PPP6R2: variants seen among roughly 807,000 people sequenced by gnomAD.
The protein encoded by PPP6R2 is serine/threonine-protein phosphatase 6 regulatory subunit 2.
PPP6R2 carries 62 observed loss-of-function variants against 100.2 expected under a neutral mutation model. That is an observed-to-expected ratio of 0.62 (90% confidence interval 0.50 to 0.76). The LOEUF is 0.76. Ranked by LOEUF, PPP6R2 falls within the 30% of genes least tolerant of loss-of-function variation. The pLI is 0.00. For missense variants in PPP6R2, 1,142 were observed against 1,276.3 expected, an observed-to-expected ratio of 0.89 and a Z score of 1.60; for synonymous variants, 525 against 514.7, an observed-to-expected ratio of 1.02 and a Z score of -0.27.
At chr22:50,367,852 C>T (rs2049078391) in intron 1 of PPP6R2, among the ~76,000 whole-genome samples, 1 of 152,046 alleles carries the variant, frequency 6.6e-6, no homozygotes, top group South Asian at 2.1e-4. Flanking sequence ...CCTGGGGGAC[C>T]ACTACTACCA....
intron 8 of PPP6R2, 28 bp from the exon 9 acceptor site, chr22:50,422,226 G>A (rs371398566): frequency 9.9e-6 from 16 of 1,608,692 alleles, no homozygotes; most frequent in Admixed American, 1.7e-5. Context: ...TGGTGTCCCC[G>A]GTCTCCATCT....
chr22:50,334,881 C>T, the PPP6R2 span, among the ~76,000 whole-genome samples: 81 of 151,722 alleles, frequency 5.3e-4, no homozygotes, highest in East Asian at 2.0e-4. Context: ...GCAGGAGAAT[C>T]GCTTGAACCC....
chr22:50,338,038 G>T, the PPP6R2 span, among the ~76,000 whole-genome samples: 1 of 145,144 alleles, frequency 6.9e-6, no homozygotes, highest in Non-Finnish European at 1.5e-5. Flanking sequence ...TGGTGTGTTT[G>T]TGTATGTGTG....
chr22:50,378,336 C>T (rs1354394401), intron 2 of PPP6R2, among the ~76,000 whole-genome samples: 1 of 152,196 alleles, frequency 6.6e-6, no homozygotes. Flanking sequence ...CCTGTAATCC[C>T]AGCACTTTGG....
intron 2 of PPP6R2, chr22:50,393,473 C>A (rs981159698): frequency 2.0e-6 from 2 of 984,986 alleles, no homozygotes; most frequent in African/African-American, 3.5e-5. Context: ...GCGCATTCGC[C>A]TAACAGAACT....
chr22:50,429,923 T>C (rs1048371772), intron 10 of PPP6R2, among the ~76,000 whole-genome samples: 2 of 152,172 alleles, frequency 1.3e-5, no homozygotes, highest in African/African-American at 4.8e-5. Flanking sequence ...ATGAAGCAAA[T>C]GAGCCTCCTG....
intron 5 of PPP6R2, 138 bp from the exon 6 acceptor site, chr22:50,415,954 T>G (rs2060469596): frequency 1.3e-6 from 1 of 743,526 alleles, no homozygotes. Flanking sequence ...TTATGTGTGT[T>G]CTTTCTGGGT....
chr22:50,405,397 C>T (rs1489256701), intron 3 of PPP6R2, among the ~76,000 whole-genome samples: 6 of 94,012 alleles, frequency 6.4e-5, no homozygotes, highest in Admixed American at 5.1e-4. Context: ...GCCTGGCAGA[C>T]GAGTGTGAAG....
chr22:50,387,770 C>T (rs570919226), intron 2 of PPP6R2, among the ~76,000 whole-genome samples: 2 of 152,316 alleles, frequency 1.3e-5, no homozygotes, highest in African/African-American at 4.8e-5. Context: ...CACCGCGGCG[C>T]ACGCCCTCTG....
intron 3 of PPP6R2, among the ~76,000 whole-genome samples, chr22:50,396,445 A>AGATCGCT (rs1344388412): frequency 2.6e-5 from 4 of 151,688 alleles, no homozygotes; most frequent in Admixed American, 2.6e-4. Context: ...CAGTGAGCCA[A>AGATCGCT]GATCGCTCCA....
intron 3 of PPP6R2, among the ~76,000 whole-genome samples, chr22:50,400,560 A>G (rs1415364379): frequency 6.6e-6 from 1 of 152,116 alleles, no homozygotes; most frequent in East Asian, 1.9e-4. Flanking sequence ...GTTCTTTTCT[A>G]AGCCCTATTG....
At chr22:50,347,209 C>G (rs1025221404) in intron 1 of PPP6R2, among the ~76,000 whole-genome samples, 2 of 151,986 alleles carry the variant, frequency 1.3e-5, no homozygotes, top group African/African-American at 4.8e-5. Flanking sequence ...CCTCCTTCAT[C>G]CCTTATCTGT....
At chr22:50,334,683 A>C in the PPP6R2 span, among the ~76,000 whole-genome samples, 1 of 152,084 alleles carries the variant, frequency 6.6e-6, no homozygotes, top group Admixed American at 6.6e-5. Context: ...ACACCTGCTG[A>C]AGCCAGGTGC....
At chr22:50,386,765 C>T (rs1031483692) in intron 2 of PPP6R2, among the ~76,000 whole-genome samples, 1 of 152,160 alleles carries the variant, frequency 6.6e-6, no homozygotes, top group Non-Finnish European at 1.5e-5. Context: ...GTTACTTCTA[C>T]TCGCAACCCA....
intron 2 of PPP6R2, among the ~76,000 whole-genome samples, chr22:50,381,240 G>A (rs926097876): frequency 6.7e-6 from 1 of 149,558 alleles, no homozygotes; most frequent in Non-Finnish European, 1.5e-5. Context: ...GGCACCACAC[G>A]GGCCCCACCT....
At chr22:50,406,145 GCGAGAGGCC>G (rs1290808225) in intron 3 of PPP6R2, among the ~76,000 whole-genome samples, 31 of 132,058 alleles carry the variant, frequency 2.3e-4, no homozygotes, top group African/African-American at 1.1e-3. Flanking sequence ...CTGGAGAGAG[GCGAGAGGCC>G]TGGAGAGAGG....
chr22:50,429,008 T>C (rs1421913272), intron 10 of PPP6R2, among the ~76,000 whole-genome samples: 1 of 151,848 alleles, frequency 6.6e-6, no homozygotes, highest in African/African-American at 2.4e-5. Context: ...CTAGTTTGAG[T>C]GTTCTATCAA....
intron 21 of PPP6R2, 67 bp downstream of exon 21, chr22:50,440,116 C>CAAGGAGGGGGGCCAG: frequency 7.0e-7 from 1 of 1,436,474 alleles, no homozygotes; most frequent in Non-Finnish European, 9.5e-7. Context: ...AGCTGGCCCC[C>CAAGGAGGGGGGCCAG]CTCCTTGGGG....
chr22:50,439,891 A>C (rs1415005399), intron 20 of PPP6R2, 34 bp downstream of exon 20: 5 of 1,607,922 alleles, frequency 3.1e-6, no homozygotes, highest in Non-Finnish European at 3.4e-6. Context: ...GGGCTGTGCC[A>C]GGAAGTGCCT....
Sources: gnomAD v4.1 joint callset for allele counts (sites outside exome capture counted in the v4.1 genomes callset) on GRCh38, gnomAD v4.1.1 for gene constraint, MANE v1.5 for transcripts, NCBI Gene and HGNC (gene_info 2026-07-23, HGNC 2026-07-21) for gene names.